The following YAP1 variants were observed in gnomAD, a reference collection of about 807,000 sequenced individuals.
YAP1 encodes the protein transcriptional coactivator YAP1.
YAP1 carries 5 observed loss-of-function variants against 56.9 expected under a neutral mutation model. That is an observed-to-expected ratio of 0.09 (90% CI 0.05 to 0.18). The LOEUF is 0.18. YAP1 is among the 10% of genes least tolerant of loss of function. The probability of loss-of-function intolerance (pLI) is 1.00; values close to 1 mark genes in which losing one functional copy is unlikely to be tolerated. For synonymous variants in YAP1, 265 were observed against 248.1 expected (o/e 1.07, Z -0.64); for missense variants, 539 against 651.8 (o/e 0.83, Z 1.88).
At chr11:102,166,819 T>A (rs1210051479) in intron 3 of YAP1, among the ~76,000 whole-genome samples, 1 of 152,162 alleles carries the variant, frequency 6.6e-6, no homozygotes, top group Non-Finnish European at 1.5e-5. Context: ...CATAATTGAG[T>A]CCAGCTTCAT....
chr11:102,120,540 C>T (rs1296510348), intron 2 of YAP1, among the ~76,000 whole-genome samples: 1 of 152,176 alleles, frequency 6.6e-6, no homozygotes, highest in East Asian at 1.9e-4. Context: ...TTTAATTTGT[C>T]TCTCTATCTC....
At chr11:102,220,781 A>G (rs1291721499) in intron 6 of YAP1, among the ~76,000 whole-genome samples, 1 of 152,198 alleles carries the variant, frequency 6.6e-6, no homozygotes, top group Non-Finnish European at 1.5e-5. Flanking sequence ...TTTCTAAGCC[A>G]GTTCTTGGGT....
intron 6 of YAP1, among the ~76,000 whole-genome samples, chr11:102,209,926 A>G (rs576609079): frequency 6.6e-6 from 1 of 152,372 alleles, no homozygotes; most frequent in African/African-American, 2.4e-5. Flanking sequence ...TAATAAATTG[A>G]ACAGTAACAA....
intron 5 of YAP1, among the ~76,000 whole-genome samples, chr11:102,209,123 A>C (rs908198180): frequency 1.3e-5 from 2 of 152,178 alleles, no homozygotes; most frequent in Non-Finnish European, 2.9e-5. Context: ...TTTTAAAGTA[A>C]TCACAATAAA....
intron 7 of YAP1, among the ~76,000 whole-genome samples, chr11:102,225,492 C>T (rs1283587826): frequency 6.6e-6 from 1 of 152,150 alleles, no homozygotes. Flanking sequence ...TCTCAAAAAA[C>T]AAAAAGACAA....
chr11:102,221,685 T>C (rs1237742023), intron 6 of YAP1, among the ~76,000 whole-genome samples: 2 of 151,786 alleles, frequency 1.3e-5, no homozygotes, highest in Non-Finnish European at 1.5e-5. Flanking sequence ...ATTGCATCAC[T>C]GCATTCCAGA....
chr11:102,205,951 C>G lies in YAP1; in HGVS notation c.861C>G (p.Pro287=), dbSNP rs564715230. ...APVKQPPPLA[P]QSPQGGVMGG... ...TGAAACAGCCACCACCCCTGGCTCCCCAGAGCCCACAGGGAGGCGTCATGG... is the reference window on the plus strand; with the variant it reads ...TGAAACAGCCACCACCCCTGGCTCCGCAGAGCCCACAGGGAGGCGTCATGG... The change falls in exon 5 of 9, where the codon CCC becomes CCG. Residue 287 remains proline, a synonymous_variant. Transcript: ENST00000282441. 6.2e-7 allele frequency: 1 copy of G among 1,612,778 alleles called. No individual in the cohort carries two copies. The highest frequency in any genetic ancestry group is 1.3e-5 in the African/African-American group (1 of 74,994).
At chr11:102,180,642 A>G (rs1414877087) in intron 3 of YAP1, among the ~76,000 whole-genome samples, 1 of 145,476 alleles carries the variant, frequency 6.9e-6, no homozygotes, top group Non-Finnish European at 1.5e-5. Context: ...AGATCATGCC[A>G]CTGCACTCCA....
At chr11:102,161,324 A>T (rs1282909986) in intron 2 of YAP1, among the ~76,000 whole-genome samples, 1 of 144,478 alleles carries the variant, frequency 6.9e-6, no homozygotes, top group African/African-American at 2.6e-5. Flanking sequence ...GGCCTCCCAG[A>T]GTCTTTCTGT....
intron 5 of YAP1, among the ~76,000 whole-genome samples, chr11:102,207,796 C>T (rs1280303910): frequency 6.6e-6 from 1 of 152,134 alleles, no homozygotes; most frequent in Non-Finnish European, 1.5e-5. Context: ...GTGTGATTGG[C>T]ATCAAAGGTA....
chr11:102,178,223 C>T (rs1318777045), intron 3 of YAP1, among the ~76,000 whole-genome samples: 1 of 152,136 alleles, frequency 6.6e-6, no homozygotes, highest in Non-Finnish European at 1.5e-5. Flanking sequence ...AAGCAGCAGG[C>T]AGAATGTTCC....
chr11:102,186,328 T>G, intron 4 of YAP1, 197 bp downstream of exon 4: 2 of 567,824 alleles, frequency 3.5e-6, no homozygotes, highest in Non-Finnish European at 5.9e-6. Context: ...AATCAGATTT[T>G]TAGGGCTCCT....
At chr11:102,153,396 C>A (rs1336130681) in intron 2 of YAP1, among the ~76,000 whole-genome samples, 1 of 152,180 alleles carries the variant, frequency 6.6e-6, no homozygotes, top group Non-Finnish European at 1.5e-5. Flanking sequence ...AAAACTCTTA[C>A]ATGTATAGAA....
At chr11:102,112,479 G>C (rs1197800874) in intron 1 of YAP1, 4 of 975,556 alleles carry the variant, frequency 4.1e-6, no homozygotes, top group Non-Finnish European at 4.8e-6. Context: ...TTCAGCATAG[G>C]AACTTTGCCC....
At chr11:102,139,871 GC>G (rs1455046134) in intron 2 of YAP1, among the ~76,000 whole-genome samples, 1 of 151,950 alleles carries the variant, frequency 6.6e-6, no homozygotes, top group African/African-American at 2.4e-5. Flanking sequence ...GGTTTTGTGA[GC>G]TTTTTTTTTA....
chr11:102,195,493 A>AAGCTC (rs1162395633), intron 4 of YAP1, among the ~76,000 whole-genome samples: 1 of 152,068 alleles, frequency 6.6e-6, no homozygotes, highest in Non-Finnish European at 1.5e-5. Context: ...TCCCCACCCA[A>AAGCTC]ATCTCATCTT....
At chr11:102,218,610 CT>C (rs1260185805) in intron 6 of YAP1, among the ~76,000 whole-genome samples, 2 of 152,232 alleles carry the variant, frequency 1.3e-5, no homozygotes, top group South Asian at 2.1e-4. Context: ...AGTAAAGTGT[CT>C]TTTTTTCATT....
At position 102,189,669 on chromosome 11, in the gene YAP1, T is replaced by C. The variant is rs555236089; in HGVS notation, c.802+3538T>C. Reference sequence around the variant, plus strand: ...GTCAGAGGTATTAAACCTCATAGGTTGATTTTGGTTCCTTTGTTTCAGTTT... The same window carrying C: ...GTCAGAGGTATTAAACCTCATAGGTCGATTTTGGTTCCTTTGTTTCAGTTT... On this transcript the variant is annotated intron_variant, in intron 4 of 8. Transcript: ENST00000282441. Among the ~76,000 whole-genome samples, 4 of 152,326 alleles carry C rather than the reference T, an allele frequency of 2.6e-5. No homozygotes were observed. In the South Asian group the frequency reaches 8.3e-4, roughly 32 times the overall value.
intron 2 of YAP1, among the ~76,000 whole-genome samples, chr11:102,146,398 A>G (rs1324835550): frequency 6.6e-6 from 1 of 152,170 alleles, no homozygotes; most frequent in East Asian, 1.9e-4. Flanking sequence ...AATTGGATGT[A>G]CTGAAGAGAT....
Sources: allele counts gnomAD v4.1 joint callset (sites outside exome capture counted in the v4.1 genomes callset), GRCh38; gene constraint gnomAD v4.1.1; transcripts MANE v1.5; gene names NCBI Gene and HGNC (gene_info 2026-07-23, HGNC 2026-07-21).